The following LRRC8B variants were observed in gnomAD, a reference collection of about 807,000 sequenced individuals.
LRRC8B encodes the protein leucine rich repeat containing 8 VRAC subunit B.
A neutral mutation model predicts 58.8 loss-of-function variants in LRRC8B; 23 were observed. The observed-to-expected ratio is 0.39, with a 90% confidence interval of 0.28 to 0.55. The LOEUF (loss-of-function observed/expected upper bound fraction) is 0.55. LRRC8B is among the 20% of genes least tolerant of loss of function. The pLI is 0.62. For synonymous variants in LRRC8B, 359 were observed against 374.1 expected (o/e 0.96, Z 0.47); for missense variants, 694 against 936.0 (o/e 0.74, Z 3.37).
chr1:89,548,235 G>GA (rs1426464847), intron 1 of LRRC8B, among the ~76,000 whole-genome samples: 1 of 152,102 alleles, frequency 6.6e-6, no homozygotes, highest in Non-Finnish European at 1.5e-5. Flanking sequence ...GAATTACTCA[G>GA]AATACATCTT....
chr1:89,586,160 A>T (rs1654606777), intron 5 of LRRC8B, among the ~76,000 whole-genome samples: 1 of 152,194 alleles, frequency 6.6e-6, no homozygotes, highest in African/African-American at 2.4e-5. Flanking sequence ...AGGCTTGCTG[A>T]AACACAGATG....
At chr1:89,549,370 A>G (rs1406812415) in intron 1 of LRRC8B, among the ~76,000 whole-genome samples, 1 of 152,300 alleles carries the variant, frequency 6.6e-6, no homozygotes, top group South Asian at 2.1e-4. Flanking sequence ...TATATTCACT[A>G]TCTCTACAAC....
Position 89,593,838 on chromosome 1 carries a change from G to C in LRRC8B, c.*795G>C, listed in dbSNP as rs376518152. 1 of 152,082 alleles carries C rather than the reference G, an allele frequency of 6.6e-6. No individual in the cohort carries two copies. The allele number at this position is 152,082 out of a possible 1,614,324, so 9.4% of individuals were successfully genotyped here. On this transcript the variant is annotated 3_prime_UTR_variant, in exon 6 of 6. Transcript: ENST00000330947. ...TTATGTTCCTAAATTTTTTTAGATA[G>C]GGTATGTTGTGCTTGGCAGAATTCT...
intron 1 of LRRC8B, among the ~76,000 whole-genome samples, chr1:89,564,540 A>C (rs1208847449): frequency 6.6e-6 from 1 of 152,166 alleles, no homozygotes; most frequent in Non-Finnish European, 1.5e-5. Context: ...TCACGTTTAG[A>C]GTTGGCTAAT....
intron 1 of LRRC8B, among the ~76,000 whole-genome samples, chr1:89,542,264 C>G (rs1395981207): frequency 6.6e-6 from 1 of 152,224 alleles, no homozygotes; most frequent in Non-Finnish European, 1.5e-5. Flanking sequence ...CACAGTGGCT[C>G]AGTCTCCTAT....
At chr1:89,576,954 A>T (rs1239199588) in intron 3 of LRRC8B, among the ~76,000 whole-genome samples, 1 of 152,124 alleles carries the variant, frequency 6.6e-6, no homozygotes, top group Non-Finnish European at 1.5e-5. Flanking sequence ...TTAATCAGAG[A>T]TACTGATGCA....
chr1:89,596,882 A>G lies in LRRC8B; in HGVS notation c.*3839A>G, dbSNP rs778676996. On this transcript the variant is annotated 3_prime_UTR_variant, in exon 6 of 6. Coordinates refer to ENST00000330947, the MANE Select transcript of LRRC8B (RefSeq NM_001369817.2). The stretch of plus-strand genomic sequence containing the variant: ...GCTGATCTGTACCCAAAGCAGGACA[A>G]TGTAACTGTAGATCTGCTTTGTTTT... 3 of 152,198 alleles carry G rather than the reference A, an allele frequency of 2.0e-5. No individual in the cohort carries two copies. The highest frequency in any genetic ancestry group is 4.4e-5 in the Non-Finnish European group (3 of 68,010). The allele number at this position is 152,198 out of a possible 1,614,324, so 9.4% of individuals were successfully genotyped here.
At chr1:89,571,316 A>G (rs1653457568) in intron 3 of LRRC8B, among the ~76,000 whole-genome samples, 1 of 152,182 alleles carries the variant, frequency 6.6e-6, no homozygotes, top group African/African-American at 2.4e-5. Context: ...CAATATGGAC[A>G]TTTTTAATGA....
At chr1:89,536,794 C>CT (rs1650571941) in intron 1 of LRRC8B, among the ~76,000 whole-genome samples, 1 of 152,128 alleles carries the variant, frequency 6.6e-6, no homozygotes, top group African/African-American at 2.4e-5. Flanking sequence ...TGAGTTCAAA[C>CT]TTTGAGTTTA....
intron 3 of LRRC8B, among the ~76,000 whole-genome samples, chr1:89,576,517 AG>A (rs1653862097): frequency 6.6e-6 from 1 of 152,170 alleles, no homozygotes; most frequent in Non-Finnish European, 1.5e-5. Context: ...TCACTGTCTT[AG>A]GTTTGTGATT....
Position 89,584,778 on chromosome 1 carries a change from A to G in LRRC8B, c.2128A>G (p.Thr710Ala). Residue 710 changes from threonine (T) to alanine (A), a missense_variant, in exon 5 of 6, where the codon ACC (threonine) becomes GCC (alanine). Physicochemically the swap from Thr to Ala is moderately conservative, Grantham distance 58. Coordinates refer to ENST00000330947, the MANE Select transcript of LRRC8B (RefSeq NM_001369817.2). Reference protein sequence around the residue: ...YLSNLQYFAVTNNNIEMLPDG... With the variant: ...YLSNLQYFAVANNNIEMLPDG... ...GAGTAATTTGCAGTACTTTGCTGTGACCAACAACAATGTAAGTAAATCCAT... is the reference window on the plus strand; with the variant it reads ...GAGTAATTTGCAGTACTTTGCTGTGGCCAACAACAATGTAAGTAAATCCAT... 6.3e-7 allele frequency: 1 copy of G among 1,594,280 alleles called. No homozygotes were observed. Among genetic ancestry groups the G allele is most frequent in the Non-Finnish European group, 8.6e-7 (1 of 1,169,196 alleles).
intron 1 of LRRC8B, among the ~76,000 whole-genome samples, chr1:89,546,801 C>A (rs939924571): frequency 2.6e-5 from 4 of 152,118 alleles, no homozygotes; most frequent in Non-Finnish European, 5.9e-5. Flanking sequence ...GAAGCTATTT[C>A]TCTATAGCTA....
rs114634660 is a variant in LRRC8B at position 89,596,110 on chromosome 1, G to A, written c.*3067G>A. The A allele has an allele frequency of 1.2e-4, 18 of 151,992 alleles. No homozygotes were observed. Among genetic ancestry groups the A allele is most frequent in the African/African-American group, 4.1e-4 (17 of 41,488 alleles). 9.4% of individuals were successfully genotyped at this position (151,992 alleles called of 1,614,324 possible). A position where few individuals can be genotyped will look rare whatever the true frequency, so the allele number is the denominator to read the frequency against. ...TAGATTAAATTAAGTATGATAGCAC[G>A]TTTTTTAATTCATTAATCATGAAGT... On this transcript the variant is annotated 3_prime_UTR_variant, in exon 6 of 6. Coordinates refer to ENST00000330947, the MANE Select transcript of LRRC8B (RefSeq NM_001369817.2).
chr1:89,585,685 T>A (rs529990695), intron 5 of LRRC8B, among the ~76,000 whole-genome samples: 6 of 152,184 alleles, frequency 3.9e-5, no homozygotes, highest in Admixed American at 3.3e-4. Context: ...GGCACGGACC[T>A]GAAGTCCCAG....
intron 1 of LRRC8B, among the ~76,000 whole-genome samples, chr1:89,530,381 T>TAAATAAATA (rs1553153226): frequency 8.8e-5 from 13 of 147,512 alleles, no homozygotes; most frequent in South Asian, 4.3e-4. Context: ...AATAAATAAA[T>TAAATAAATA]AATAAATAAA....
intron 1 of LRRC8B, among the ~76,000 whole-genome samples, chr1:89,548,944 A>T (rs1651609344): frequency 6.6e-6 from 1 of 152,186 alleles, no homozygotes; most frequent in Admixed American, 6.5e-5. Context: ...ATTAAGTTGG[A>T]GCATGAAGAT....
intron 4 of LRRC8B, among the ~76,000 whole-genome samples, chr1:89,582,154 G>A (rs1654270985): frequency 6.6e-6 from 1 of 151,810 alleles, no homozygotes; most frequent in Non-Finnish European, 1.5e-5. Context: ...CACTTTCAGA[G>A]GCCAAGCAGG....
chr1:89,542,123 T>C (rs1378433918), intron 1 of LRRC8B, among the ~76,000 whole-genome samples: 2 of 152,194 alleles, frequency 1.3e-5, no homozygotes, highest in Non-Finnish European at 2.9e-5. Flanking sequence ...GACAGAGACC[T>C]CCTGGCCTTG....
At chr1:89,579,036 T>C (rs1332777823) in intron 3 of LRRC8B, among the ~76,000 whole-genome samples, 1 of 152,196 alleles carries the variant, frequency 6.6e-6, no homozygotes, top group Non-Finnish European at 1.5e-5. Flanking sequence ...CTAATGAGAT[T>C]GGTAGGCTAA....
Sources: gnomAD v4.1 joint callset for allele counts (sites outside exome capture counted in the v4.1 genomes callset) on GRCh38, gnomAD v4.1.1 for gene constraint, MANE v1.5 for transcripts, NCBI Gene and HGNC (gene_info 2026-07-23, HGNC 2026-07-21) for gene names.